C9: variants seen among roughly 807,000 people sequenced by gnomAD.
C9 encodes complement C9, also known as complement component C9.
Under a neutral mutation model 65.4 loss-of-function variants are expected in C9, and 63 were observed. That is an observed-to-expected ratio of 0.96 (90% CI 0.79 to 1.19). C9 has a LOEUF of 1.19. Among genes scored for constraint, C9 ranks in the 50% most tolerant of loss-of-function variants. The pLI is 0.00. For missense variants in C9, 744 were observed against 670.1 expected (o/e 1.11, Z -1.22); for synonymous variants, 229 against 227.9 (o/e 1.00, Z -0.04).
At position 39,341,676 on chromosome 5, in the gene C9, A is replaced by G; in HGVS notation, c.208T>C (p.Phe70Leu). The change falls in exon 3 of 11, where the codon TTT (phenylalanine) becomes CTT (leucine). Residue 70 changes from phenylalanine (F) to leucine (L), a missense_variant. Phe to Leu is a conservative substitution (Grantham distance 22, BLOSUM62 0). Coordinates refer to ENST00000263408, the MANE Select transcript of C9 (RefSeq NM_001737.5). ...CATCTTTTCCCATTAAATTGTCCAA[A>G]GACCTCAATGCTTCTTGAACGAAAC... ...QMFRSRSIEV[F>L]GQFNGKRCTD... 1 of 1,614,152 alleles carries G rather than the reference A, an allele frequency of 6.2e-7. No homozygotes were observed. The highest frequency in any genetic ancestry group is 8.5e-7 in the Non-Finnish European group (1 of 1,179,992).
chr5:39,359,797 A>G (rs1754481750), intron 1 of C9, among the ~76,000 whole-genome samples: 1 of 152,234 alleles, frequency 6.6e-6, no homozygotes, highest in African/African-American at 2.4e-5. Flanking sequence ...CCTTGTTAGC[A>G]TTCCTCACTA....
intron 1 of C9, among the ~76,000 whole-genome samples, chr5:39,362,174 C>G (rs578248396): frequency 1.3e-5 from 2 of 152,198 alleles, no homozygotes; most frequent in East Asian, 1.9e-4. Flanking sequence ...AGTCCTAACC[C>G]CAGATAATTA....
At chr5:39,327,708 T>G (rs80127731) in intron 5 of C9, among the ~76,000 whole-genome samples, 4,557 of 151,982 alleles carry the variant, frequency 0.03, 208 homozygotes, top group African/African-American at 0.1. Flanking sequence ...AAATATAGGA[T>G]TTGCATGCAA....
At chr5:39,353,236 A>G (rs937511255) in intron 1 of C9, among the ~76,000 whole-genome samples, 1 of 152,200 alleles carries the variant, frequency 6.6e-6, no homozygotes, top group Admixed American at 6.5e-5. Context: ...CAACACCTTG[A>G]TTTTAGCCTA....
chr5:39,364,238 A>G (rs1754575076), intron 1 of C9, 150 bp downstream of exon 1: 2 of 635,656 alleles, frequency 3.1e-6, no homozygotes, highest in African/African-American at 3.6e-5. Context: ...CACCCTATGT[A>G]TTTTCTTATC....
Position 39,285,130 on chromosome 5 carries a change from T to C in C9, c.*69A>G, listed in dbSNP as rs1367437030. 4.0e-6 allele frequency: 5 copies of C among 1,256,034 alleles called. No individual in the cohort carries two copies. The highest frequency in any genetic ancestry group is 5.9e-6 in the Non-Finnish European group (5 of 853,524). 77.8% of individuals were successfully genotyped at this position (1,256,034 alleles called of 1,614,324 possible). ...GCTATTTACTTGGCAGCTAAGATTATCTTCAGGGGTAGGATCTGAAGGTAC... is the reference window on the plus strand; with the variant it reads ...GCTATTTACTTGGCAGCTAAGATTACCTTCAGGGGTAGGATCTGAAGGTAC... On this transcript the variant is annotated 3_prime_UTR_variant, in exon 11 of 11. Coordinates refer to ENST00000263408, the MANE Select transcript of C9 (RefSeq NM_001737.5).
At chr5:39,358,845 C>T (rs577440455) in intron 1 of C9, among the ~76,000 whole-genome samples, 182 of 151,112 alleles carry the variant, frequency 1.2e-3, no homozygotes, top group Non-Finnish European at 2.2e-3. Context: ...ATTAGCCGGG[C>T]GTGGTGGCGG....
At chr5:39,320,065 T>C (rs930144108) in intron 5 of C9, among the ~76,000 whole-genome samples, 1 of 152,222 alleles carries the variant, frequency 6.6e-6, no homozygotes, top group Non-Finnish European at 1.5e-5. Flanking sequence ...AAGTGCTTAC[T>C]TCTTCAAAGG....
chr5:39,324,750 T>C (rs938977446), intron 5 of C9, among the ~76,000 whole-genome samples: 2 of 151,976 alleles, frequency 1.3e-5, no homozygotes, highest in Admixed American at 6.6e-5. Context: ...GTAACCATCA[T>C]AGAGAGAAAA....
intron 5 of C9, among the ~76,000 whole-genome samples, chr5:39,317,817 G>A (rs1428037157): frequency 6.6e-6 from 1 of 151,706 alleles, no homozygotes; most frequent in African/African-American, 2.4e-5. Flanking sequence ...AATTATCTTG[G>A]CTATATAGGC....
chr5:39,290,673 T>C (rs773915425), intron 9 of C9, among the ~76,000 whole-genome samples: 11 of 151,786 alleles, frequency 7.2e-5, no homozygotes, highest in African/African-American at 2.2e-4. Context: ...ATCTAAGATC[T>C]GGGAGGAGGT....
chr5:39,343,844 A>G (rs673032), intron 1 of C9, among the ~76,000 whole-genome samples: 145,105 of 152,278 alleles, frequency 0.95, 69,275 homozygotes, highest in Non-Finnish European at 0.98. Flanking sequence ...GGAACGATCA[A>G]GCAGCAACAT....
At chr5:39,354,529 A>G (rs1206757312) in intron 1 of C9, among the ~76,000 whole-genome samples, 3 of 152,184 alleles carry the variant, frequency 2.0e-5, no homozygotes, top group African/African-American at 4.8e-5. Context: ...GTGGACCTCA[A>G]GTAGGTGTAG....
At chr5:39,337,156 G>A (rs188413826) in intron 4 of C9, among the ~76,000 whole-genome samples, 63 of 152,286 alleles carry the variant, frequency 4.1e-4, no homozygotes, top group African/African-American at 1.3e-3. Context: ...AAACATGTAC[G>A]TATGGAAGTT....
chr5:39,318,075 G>A (rs1753602136), intron 5 of C9, among the ~76,000 whole-genome samples: 1 of 151,564 alleles, frequency 6.6e-6, no homozygotes, highest in South Asian at 2.1e-4. Context: ...TTTGTTAGCT[G>A]TATTCCTAGG....
At chr5:39,362,095 A>G (rs1285513188) in intron 1 of C9, among the ~76,000 whole-genome samples, 3 of 152,192 alleles carry the variant, frequency 2.0e-5, no homozygotes, top group African/African-American at 7.2e-5. Context: ...ACCTTATTAG[A>G]CAGATGCTAT....
At chr5:39,360,477 T>C (rs1486597165) in intron 1 of C9, among the ~76,000 whole-genome samples, 4 of 152,094 alleles carry the variant, frequency 2.6e-5, no homozygotes, top group African/African-American at 9.7e-5. Flanking sequence ...AAATTAAATA[T>C]GAAAGTAACT....
At chr5:39,361,427 A>G (rs1398626012) in intron 1 of C9, among the ~76,000 whole-genome samples, 6 of 152,186 alleles carry the variant, frequency 3.9e-5, no homozygotes, top group African/African-American at 9.6e-5. Flanking sequence ...AACCATGTGC[A>G]TATTTTGTTA....
chr5:39,317,762 G>A (rs266889), intron 5 of C9, among the ~76,000 whole-genome samples: 60,853 of 152,054 alleles, frequency 0.4, 13,153 homozygotes, highest in Non-Finnish European at 0.49. Flanking sequence ...ACTATAGTTC[G>A]AAGTCAGGCA....
Sources: gnomAD v4.1 joint callset for allele counts (sites outside exome capture counted in the v4.1 genomes callset) on GRCh38, gnomAD v4.1.1 for gene constraint, MANE v1.5 for transcripts, NCBI Gene and HGNC (gene_info 2026-07-23, HGNC 2026-07-21) for gene names.